Variants in MED14 observed in about 807,000 individuals in gnomAD.
MED14 encodes the protein mediator complex subunit 14.
Under a neutral mutation model 109.0 loss-of-function variants are expected in MED14, and 8 were observed. That is an observed-to-expected ratio of 0.07 (90% CI 0.04 to 0.13). The LOEUF (loss-of-function observed/expected upper bound fraction) is 0.13, where lower values mean the gene tolerates loss of function less well. MED14 is among the 10% of genes least tolerant of loss of function. The pLI is 1.00. For synonymous variants in MED14, 399 were observed against 408.7 expected (o/e 0.98, Z 0.29); for missense variants, 711 against 1,142.4 (o/e 0.62, Z 5.44).
At chrX:40,726,578 T>C (rs1204579639) in intron 3 of MED14, 168 bp downstream of exon 3, 2 of 417,698 alleles carry the variant, frequency 4.8e-6, no homozygotes, top group Admixed American at 9.2e-5. Context: ...CAGGTGTCCA[T>C]AAACAAATAC....
In MED14 at chrX:40,666,843, G is replaced by A; in HGVS notation, c.3142C>T (p.His1048Tyr). 1 of 1,167,747 alleles carries A rather than the reference G, an allele frequency of 8.6e-7. No homozygotes were observed. Among genetic ancestry groups the A allele is most frequent in the East Asian group, 3.1e-5 (1 of 32,268 alleles). Residue 1048 changes from histidine (H) to tyrosine (Y), a missense_variant, in exon 24 of 31, where the codon CAT becomes TAT. By Grantham distance (83) the His-to-Tyr change is moderately conservative. This residue lies in a region of MED14 where 100 missense variants were observed against 147.5 expected (regional missense o/e 0.68). Coordinates refer to ENST00000324817, the MANE Select transcript of MED14 (RefSeq NM_004229.4). Reference sequence around the variant, plus strand: ...GCCCCACTGGGGGAGCTGGCAGCATGCAGATTTCCTAATAAAGGAAAATAA... The same window carrying A: ...GCCCCACTGGGGGAGCTGGCAGCATACAGATTTCCTAATAAAGGAAAATAA... ...MMHTQSPGNL[H>Y]AASSPSGALR...
At chrX:40,680,268 T>C in intron 20 of MED14, 135 bp from the exon 21 acceptor site, 1 of 612,712 alleles carries the variant, frequency 1.6e-6, no homozygotes, top group Non-Finnish European at 2.5e-6. Flanking sequence ...TTGAAGAGAA[T>C]GCAAACTAGA....
At position 40,650,456 on chromosome X, in the gene MED14, T is replaced by A. The variant is rs754909404; in HGVS notation, c.*1350A>T. 135 of 752,921 alleles carry A rather than the reference T, an allele frequency of 1.8e-4. No homozygotes were observed. The highest frequency in any genetic ancestry group is 7.6e-4 in the Middle Eastern group (1 of 1,323). 62.0% of individuals were successfully genotyped at this position (752,921 alleles called of 1,213,427 possible). Reference sequence around the variant, plus strand: ...ATTAGACAAAGCATCTACATTTTAATGGAGAACCAGTATTACAGTGACCAG... The same window carrying A: ...ATTAGACAAAGCATCTACATTTTAAAGGAGAACCAGTATTACAGTGACCAG... On this transcript the variant is annotated 3_prime_UTR_variant, in exon 31 of 31. Transcript: ENST00000324817.
intron 25 of MED14, 21 bp from the exon 26 acceptor site, chrX:40,663,181 TTA>T: frequency 1.8e-6 from 2 of 1,098,452 alleles, no homozygotes; most frequent in Non-Finnish European, 2.5e-6. Flanking sequence ...GGAAAACATG[TTA>T]TGTCATTTAC....
intron 23 of MED14, among the ~76,000 whole-genome samples, chrX:40,668,231 A>G (rs1285904202): frequency 1.8e-5 from 2 of 109,902 alleles, no homozygotes; most frequent in Non-Finnish European, 3.8e-5. Flanking sequence ...AAAAATACAA[A>G]CATTAGCCAG....
At position 40,666,797 on chromosome X, in the gene MED14, G is replaced by A; in HGVS notation, c.3188C>T (p.Ala1063Val). The change falls in exon 24 of 31, where the codon GCG (alanine) becomes GTG (valine). Residue 1063 changes from alanine (A) to valine (V), a missense_variant. This residue lies in a region of MED14 where 100 missense variants were observed against 147.5 expected (regional missense o/e 0.68). Transcript: ENST00000324817. Reference sequence around the variant, plus strand: ...TGGGGGAGGAGTTGGAACAAATGACGCTGGTGATGGGGCTCTCAAAGCCCC... The same window carrying A: ...TGGGGGAGGAGTTGGAACAAATGACACTGGTGATGGGGCTCTCAAAGCCCC... ...PSGALRAPSP[A>V]SFVPTPPPSS... is the part of the protein sequence containing the mutation. 8.4e-7 allele frequency: 1 copy of A among 1,196,477 alleles called. No homozygotes were observed. The highest frequency in any genetic ancestry group is 1.1e-6 in the Non-Finnish European group (1 of 886,578).
At chrX:40,657,666 T>G (rs934867263) in intron 28 of MED14, among the ~76,000 whole-genome samples, 2 of 111,933 alleles carry the variant, frequency 1.8e-5, no homozygotes, top group Admixed American at 1.9e-4. Context: ...CAGACTGAGC[T>G]ATGCAGAAAC....
In MED14 at chrX:40,664,328, G is replaced by A. The variant is rs1382226853; in HGVS notation, c.3427C>T (p.His1143Tyr). The A allele has an allele frequency of 1.7e-6, 2 of 1,200,283 alleles. No homozygotes were observed. Among genetic ancestry groups the A allele is most frequent in the African/African-American group, 3.5e-5 (2 of 56,552 alleles). ...SLHSPVPDAS[H>Y]SPRAGTSSQT... ...TTACTTGTTCCAGCTCGAGGGGAAT[G>A]AGAAGCATCTGGAACCGGAGAATGT... The change falls in exon 25 of 31, where the codon CAT (histidine) becomes TAT (tyrosine). Residue 1143 changes from histidine (H) to tyrosine (Y), a missense_variant. Transcript: ENST00000324817.
At position 40,659,266 on chromosome X, in the gene MED14, G is replaced by A. The variant is rs1368734439; in HGVS notation, c.3933C>T (p.His1311=). Residue 1311 remains histidine (H), a synonymous_variant, in exon 28 of 31, where the codon CAC becomes CAT. Coordinates refer to ENST00000324817, the MANE Select transcript of MED14 (RefSeq NM_004229.4). ...AFTKLLGAPT[H]ILRDCVHIMK... is the part of the protein sequence containing the mutation. ...TAATGTGCACACAATCCCTGAGGATGTGTGTAGGAGCTCCTAATAGCTTGG... is the reference window on the plus strand; with the variant it reads ...TAATGTGCACACAATCCCTGAGGATATGTGTAGGAGCTCCTAATAGCTTGG... 3.4e-6 allele frequency: 4 copies of A among 1,162,195 alleles called. No individual in the cohort carries two copies. The highest frequency in any genetic ancestry group is 2.6e-5 in the Admixed American group (1 of 38,510).
intron 15 of MED14, among the ~76,000 whole-genome samples, chrX:40,689,292 A>G (rs936000352): frequency 8.9e-6 from 1 of 112,116 alleles, no homozygotes; most frequent in Admixed American, 9.5e-5. Context: ...GGGAAAGGGA[A>G]AGGTTTAGAA....
At chrX:40,717,990 G>A (rs911555376) in intron 3 of MED14, among the ~76,000 whole-genome samples, 2 of 111,977 alleles carry the variant, frequency 1.8e-5, no homozygotes, top group Non-Finnish European at 3.8e-5. Flanking sequence ...TTTGATTTTT[G>A]CAACTCTAGG....
intron 10 of MED14, among the ~76,000 whole-genome samples, chrX:40,708,155 T>G (rs147624926): frequency 2.7e-5 from 3 of 111,000 alleles, no homozygotes; most frequent in Non-Finnish European, 5.7e-5. Context: ...CCAAGACACA[T>G]CTAACCAATA....
chrX:40,684,997 T>C (rs1289447999), intron 16 of MED14, among the ~76,000 whole-genome samples: 2 of 111,769 alleles, frequency 1.8e-5, no homozygotes, highest in Non-Finnish European at 3.8e-5. Flanking sequence ...AGCATGATCA[T>C]GTGAGGGGAA....
chrX:40,667,244 A>G (rs1420734838), intron 23 of MED14, among the ~76,000 whole-genome samples: 1 of 112,001 alleles, frequency 8.9e-6, no homozygotes, highest in Non-Finnish European at 1.9e-5. Context: ...AGTATCTGTC[A>G]GGTAAGTGCT....
intron 25 of MED14, 90 bp downstream of exon 25, chrX:40,664,217 T>C: frequency 2.4e-6 from 2 of 847,409 alleles, no homozygotes; most frequent in East Asian, 3.5e-5. Flanking sequence ...TCTCAAAAAG[T>C]AGGTCATGAC....
In MED14 at chrX:40,655,028, A is replaced by G. The variant is rs1473444232; in HGVS notation, c.4005T>C (p.Asn1335=). 3.3e-6 allele frequency: 4 copies of G among 1,209,305 alleles called. No individual in the cohort carries two copies. Among genetic ancestry groups the G allele is most frequent in the South Asian group, 1.8e-5 (1 of 56,806 alleles). Residue 1335 remains asparagine (N), a synonymous_variant, in exon 29 of 31, where the codon AAT becomes AAC. Coordinates refer to ENST00000324817, the MANE Select transcript of MED14 (RefSeq NM_004229.4). ...FPDQATQLKW[N]VQFCLTIPPS... Reference sequence around the variant, plus strand: ...GAGGGATCGTCAGGCAAAACTGAACATTCCATTTTAGCTGTGTTGCTTGGT... The same window carrying G: ...GAGGGATCGTCAGGCAAAACTGAACGTTCCATTTTAGCTGTGTTGCTTGGT...
chrX:40,681,569 T>A (rs1433231124), intron 19 of MED14, among the ~76,000 whole-genome samples: 2 of 111,917 alleles, frequency 1.8e-5, no homozygotes, highest in Admixed American at 1.9e-4. Context: ...CAAGCAAATC[T>A]GTAATCAGTG....
chrX:40,718,028 T>C (rs775753334), intron 3 of MED14, among the ~76,000 whole-genome samples: 1 of 112,115 alleles, frequency 8.9e-6, no homozygotes, highest in South Asian at 3.7e-4. Context: ...TACTATGATC[T>C]TAGAGATGAG....
At chrX:40,729,642 G>A (rs1028616083) in intron 1 of MED14, 2 of 228,065 alleles carry the variant, frequency 8.8e-6, no homozygotes, top group South Asian at 1.3e-4. Flanking sequence ...TATATCATAG[G>A]GTGTCAGAGA....
Sources: allele counts gnomAD v4.1 joint callset (sites outside exome capture counted in the v4.1 genomes callset), GRCh38; gene constraint gnomAD v4.1.1; regional missense constraint gnomAD v4.1.1; transcripts MANE v1.5; gene names NCBI Gene and HGNC (gene_info 2026-07-23, HGNC 2026-07-21).